FGF12: variants seen among roughly 807,000 people sequenced by gnomAD.
The protein encoded by FGF12 is fibroblast growth factor 12, also known as fibroblast growth factor 12B.
In FGF12, 14 loss-of-function variants were observed where a neutral mutation model predicts 23.6. That is an observed-to-expected ratio of 0.59 (90% CI 0.39 to 0.93). FGF12 has a LOEUF of 0.93. Among genes scored for constraint, FGF12 ranks in the 40% least tolerant of loss-of-function variants. The pLI, the probability that FGF12 is intolerant of heterozygous loss-of-function variation, is 0.00. For missense variants in FGF12, 175 were observed against 217.8 expected (o/e 0.80, Z 1.24); for synonymous variants, 62 against 77.3 (o/e 0.80, Z 1.04).
At chr3:192,483,593 TA>T (rs1723542037) in intron 2 of FGF12, among the ~76,000 whole-genome samples, 1 of 152,098 alleles carries the variant, frequency 6.6e-6, no homozygotes, top group Non-Finnish European at 1.5e-5. Context: ...AAATATGGTA[TA>T]GGGGAATTCG....
At chr3:192,397,874 C>T (rs1010773352) in intron 2 of FGF12, among the ~76,000 whole-genome samples, 1 of 152,106 alleles carries the variant, frequency 6.6e-6, no homozygotes, top group African/African-American at 2.4e-5. Context: ...GATTCTAGGA[C>T]ACTGTGAAGG....
chr3:192,481,911 A>T (rs1415276946), intron 2 of FGF12, among the ~76,000 whole-genome samples: 1 of 152,218 alleles, frequency 6.6e-6, no homozygotes, highest in African/African-American at 2.4e-5. Context: ...AGAGAATAAT[A>T]AACTGAACCT....
At chr3:192,344,685 C>T (rs1450640609) in intron 3 of FGF12, among the ~76,000 whole-genome samples, 1 of 152,088 alleles carries the variant, frequency 6.6e-6, no homozygotes, top group African/African-American at 2.4e-5. Context: ...GCATTGTGAT[C>T]TCTTTATTTG....
chr3:192,504,864 A>G (rs1318847190), intron 2 of FGF12, among the ~76,000 whole-genome samples: 7 of 152,120 alleles, frequency 4.6e-5, no homozygotes, highest in African/African-American at 1.2e-4. Flanking sequence ...ATCTTCTCCA[A>G]TCTAGTATTC....
intron 2 of FGF12, among the ~76,000 whole-genome samples, chr3:192,515,916 A>G (rs1234704854): frequency 2.0e-5 from 3 of 151,166 alleles, no homozygotes; most frequent in Admixed American, 6.6e-5. Flanking sequence ...TGTCGAAGTG[A>G]CAGGACGTAA....
intron 2 of FGF12, among the ~76,000 whole-genome samples, chr3:192,608,875 A>G (rs748483176): frequency 2.6e-5 from 4 of 152,152 alleles, no homozygotes; most frequent in Non-Finnish European, 4.4e-5. Flanking sequence ...GCTCCGAAAT[A>G]TTTAATGCAG....
At chr3:192,426,252 C>T (rs1721684173) in intron 2 of FGF12, among the ~76,000 whole-genome samples, 1 of 152,142 alleles carries the variant, frequency 6.6e-6, no homozygotes, top group Non-Finnish European at 1.5e-5. Context: ...AAATGGTGCC[C>T]TCCATGGTCT....
chr3:192,343,828 T>C (rs1717818518), intron 3 of FGF12, among the ~76,000 whole-genome samples: 1 of 152,170 alleles, frequency 6.6e-6, no homozygotes, highest in African/African-American at 2.4e-5. Flanking sequence ...TTTGTTGTTG[T>C]TTTGCATCCA....
chr3:192,163,023 A>G (rs893268831), intron 5 of FGF12, among the ~76,000 whole-genome samples: 3 of 152,138 alleles, frequency 2.0e-5, no homozygotes, highest in South Asian at 2.1e-4. Flanking sequence ...TACAATGTCT[A>G]ATTTTCATAT....
intron 2 of FGF12, among the ~76,000 whole-genome samples, chr3:192,599,689 T>C (rs1417120472): frequency 6.6e-6 from 1 of 152,136 alleles, no homozygotes; most frequent in Admixed American, 6.6e-5. Context: ...ACAATCATAG[T>C]CTAGCACTGA....
At chr3:192,213,890 G>C (rs577484376) in intron 4 of FGF12, among the ~76,000 whole-genome samples, 1 of 152,210 alleles carries the variant, frequency 6.6e-6, no homozygotes, top group Admixed American at 6.5e-5. Context: ...CGTTGTGGAA[G>C]CTGTGGGCAT....
rs1366410101 is a variant in FGF12, at chr3:192,409,705, T to C, written c.14-49167A>G. 6.6e-6 allele frequency among the ~76,000 whole-genome samples: 1 copy of C among 152,038 alleles called. No individual in the cohort carries two copies. The highest frequency in any genetic ancestry group is 1.5e-5 in the Non-Finnish European group (1 of 67,954). On this transcript the variant is annotated intron_variant, in intron 2 of 5. Coordinates refer to ENST00000445105, the MANE Select transcript of FGF12 (RefSeq NM_004113.6). The surrounding 1 kb of genome is among the most constrained non-coding windows in gnomAD (Gnocchi z 4.8). ...GGCTCCTGGCCGGAGCTGCCCACCA[T>C]GGTCTGGCGCCAGGGGCGCAGGCGG...
At chr3:192,191,949 C>G (rs1433631756) in intron 4 of FGF12, among the ~76,000 whole-genome samples, 1 of 152,104 alleles carries the variant, frequency 6.6e-6, no homozygotes, top group Admixed American at 6.5e-5. Context: ...GAGAATTACA[C>G]TGAATAATTT....
At chr3:192,564,297 C>T (rs547676513) in intron 2 of FGF12, among the ~76,000 whole-genome samples, 33 of 152,240 alleles carry the variant, frequency 2.2e-4, no homozygotes, top group African/African-American at 6.3e-4. Context: ...CTCCTGACCT[C>T]GGGTGATCTG....
At chr3:192,436,303 G>A (rs925971836) in intron 2 of FGF12, among the ~76,000 whole-genome samples, 18 of 152,196 alleles carry the variant, frequency 1.2e-4, no homozygotes, top group African/African-American at 4.1e-4. Flanking sequence ...CTTTGCCTCT[G>A]GGATACAGTG....
At chr3:192,726,987 T>C (rs944654619) in intron 2 of FGF12, 194 bp downstream of exon 2, 10 of 669,298 alleles carry the variant, frequency 1.5e-5, no homozygotes, top group African/African-American at 3.6e-5. Context: ...TTAAACACTG[T>C]CTTCCAAGCT....
chr3:192,456,274 A>G lies in FGF12; in HGVS notation c.14-95736T>C, dbSNP rs868174712. Among the ~76,000 whole-genome samples the G allele has an allele frequency of 2.6e-5, 4 of 152,344 alleles. 1 individual carries two copies. The highest frequency in any genetic ancestry group is 4.1e-4 in the South Asian group (2 of 4,832). Reference sequence around the variant, plus strand: ...TTTCTTTCTACTTTCAGGATTATGTATAAAAGAAACTGGAAAACCAAATTT... The same window carrying G: ...TTTCTTTCTACTTTCAGGATTATGTGTAAAAGAAACTGGAAAACCAAATTT... On this transcript the variant is annotated intron_variant, in intron 2 of 5. Transcript: ENST00000445105.
At chr3:192,704,728 T>C (rs1342796835) in intron 2 of FGF12, among the ~76,000 whole-genome samples, 1 of 152,228 alleles carries the variant, frequency 6.6e-6, no homozygotes, top group Non-Finnish European at 1.5e-5. Flanking sequence ...TAGTTGGTAT[T>C]TTCTTCAATA....
intron 2 of FGF12, among the ~76,000 whole-genome samples, chr3:192,594,173 T>C (rs1322543235): frequency 1.3e-5 from 2 of 151,788 alleles, no homozygotes. Context: ...ACGGGGTGCA[T>C]AACTGGACAC....
Sources: gnomAD v4.1 joint callset for allele counts (sites outside exome capture counted in the v4.1 genomes callset) on GRCh38, gnomAD v4.1.1 for gene constraint, Gnocchi (gnomAD v3.1) non-coding constraint, MANE v1.5 for transcripts, NCBI Gene and HGNC (gene_info 2026-07-23, HGNC 2026-07-21) for gene names.